CSMD1: variants seen among roughly 807,000 people sequenced by gnomAD.
The protein encoded by CSMD1 is CUB and Sushi multiple domains 1, also known as CUB and sushi domain-containing protein 1.
Under a neutral mutation model 417.5 loss-of-function variants are expected in CSMD1, and 213 were observed. The observed-to-expected ratio is 0.51, with a 90% CI of 0.46 to 0.57. The LOEUF (loss-of-function observed/expected upper bound fraction) is 0.57. Among genes scored for constraint, CSMD1 ranks in the 20% least tolerant of loss-of-function variants. CSMD1 has a pLI of 0.00. For missense variants in CSMD1, 6,923 were observed against 4,529.7 expected (o/e 1.53, Z -15.17); for synonymous variants, 2,862 against 1,736.8 (o/e 1.65, Z -16.11).
chr8:3,220,708 G>A (rs561231174), intron 28 of CSMD1, among the ~76,000 whole-genome samples: 74 of 152,222 alleles, frequency 4.9e-4, no homozygotes, highest in Admixed American at 1.0e-3. Context: ...TCGTGCACCT[G>A]TAGTCCCAGC....
intron 5 of CSMD1, among the ~76,000 whole-genome samples, chr8:3,956,065 G>C (rs540369776): frequency 6.6e-6 from 1 of 152,306 alleles, no homozygotes; most frequent in Non-Finnish European, 1.5e-5. Context: ...AAAGTGGTGA[G>C]ATTATTTGGC....
At chr8:4,945,792 G>A (rs1808326944) in intron 1 of CSMD1, among the ~76,000 whole-genome samples, 1 of 152,166 alleles carries the variant, frequency 6.6e-6, no homozygotes, top group Admixed American at 6.5e-5. Flanking sequence ...GGTGACGGAT[G>A]AGGTTAAGTA....
chr8:3,648,560 G>C (rs1244218388), intron 7 of CSMD1, among the ~76,000 whole-genome samples: 3 of 152,158 alleles, frequency 2.0e-5, no homozygotes, highest in Non-Finnish European at 2.9e-5. Flanking sequence ...TCAGAGCACA[G>C]AAAATTGTTT....
At chr8:2,999,037 T>A (rs1037102734) in intron 53 of CSMD1, among the ~76,000 whole-genome samples, 2 of 152,166 alleles carry the variant, frequency 1.3e-5, no homozygotes, top group African/African-American at 4.8e-5. Context: ...AATTGGGCAA[T>A]AAAGTGAGAG....
intron 5 of CSMD1, among the ~76,000 whole-genome samples, chr8:3,958,016 G>C (rs1476994975): frequency 6.6e-6 from 1 of 152,026 alleles, no homozygotes; most frequent in Non-Finnish European, 1.5e-5. Context: ...AACCAGAGAA[G>C]ACAACTAATA....
intron 7 of CSMD1, among the ~76,000 whole-genome samples, chr8:3,693,874 C>T (rs558252447): frequency 2.6e-4 from 36 of 141,140 alleles, no homozygotes; most frequent in South Asian, 9.4e-4. Context: ...ATGTGTGTTT[C>T]GTGTATGTTG....
At chr8:2,976,154 T>C (rs1010593946) in intron 55 of CSMD1, among the ~76,000 whole-genome samples, 6 of 152,086 alleles carry the variant, frequency 3.9e-5, no homozygotes, top group African/African-American at 1.2e-4. Flanking sequence ...ATTAATTGAA[T>C]TGTTGAAGTT....
At chr8:3,832,113 G>C (rs568138272) in intron 5 of CSMD1, among the ~76,000 whole-genome samples, 14 of 152,168 alleles carry the variant, frequency 9.2e-5, no homozygotes, top group African/African-American at 3.1e-4. Flanking sequence ...TGTGCATGTG[G>C]GCAAACAGTA....
intron 3 of CSMD1, among the ~76,000 whole-genome samples, chr8:4,141,986 C>G (rs1339529625): frequency 6.6e-6 from 1 of 150,824 alleles, no homozygotes; most frequent in Non-Finnish European, 1.5e-5. Flanking sequence ...CATTAAATTT[C>G]TCTCAACTTA....
intron 1 of CSMD1, among the ~76,000 whole-genome samples, chr8:4,719,143 G>T (rs546280456): frequency 2.0e-5 from 3 of 152,258 alleles, no homozygotes; most frequent in African/African-American, 7.2e-5. Flanking sequence ...TAAAGACAAT[G>T]ATGGCCTGGA....
At chr8:4,026,335 T>A (rs7840290) in intron 4 of CSMD1, among the ~76,000 whole-genome samples, 26,513 of 152,150 alleles carry the variant, frequency 0.17, 3,107 homozygotes, top group African/African-American at 0.32. Flanking sequence ...AATGTAATAA[T>A]CTATAATACA....
intron 23 of CSMD1, among the ~76,000 whole-genome samples, chr8:3,339,957 T>C (rs773379984): frequency 2.0e-5 from 3 of 152,246 alleles, no homozygotes; most frequent in Non-Finnish European, 4.4e-5. Flanking sequence ...TATTTTGGTC[T>C]GACTTACTAT....
intron 6 of CSMD1, among the ~76,000 whole-genome samples, chr8:3,744,902 T>C (rs1375946024): frequency 6.6e-6 from 1 of 152,106 alleles, no homozygotes; most frequent in Non-Finnish European, 1.5e-5. Context: ...GCTGAGCGCT[T>C]TAGTTGAGTG....
intron 1 of CSMD1, among the ~76,000 whole-genome samples, chr8:4,836,194 C>G (rs1435905884): frequency 6.6e-6 from 1 of 152,196 alleles, no homozygotes; most frequent in Non-Finnish European, 1.5e-5. Flanking sequence ...TGAATTGATT[C>G]AGGCATTCAT....
chr8:3,650,822 G>C (rs2469401), intron 7 of CSMD1, among the ~76,000 whole-genome samples: 67,773 of 151,970 alleles, frequency 0.45, 15,295 homozygotes, highest in Middle Eastern at 0.51. Context: ...TCAAACACTG[G>C]TTATACCATC....
chr8:4,819,936 T>C (rs563790834), intron 1 of CSMD1, among the ~76,000 whole-genome samples: 61 of 152,226 alleles, frequency 4.0e-4, no homozygotes, highest in Non-Finnish European at 7.5e-4. Flanking sequence ...TAAGTAATTT[T>C]TGAAATATCT....
chr8:3,782,126 T>G (rs995064381), intron 5 of CSMD1, among the ~76,000 whole-genome samples: 5 of 152,214 alleles, frequency 3.3e-5, no homozygotes, highest in Admixed American at 1.3e-4. Context: ...AGGGGTCATA[T>G]AATTTCTTTT....
At chr8:4,318,063 C>T (rs1014808707) in intron 3 of CSMD1, among the ~76,000 whole-genome samples, 1 of 152,090 alleles carries the variant, frequency 6.6e-6, no homozygotes, top group Non-Finnish European at 1.5e-5. Flanking sequence ...CGTTTTTTCT[C>T]ACGTAAGTGT....
intron 7 of CSMD1, among the ~76,000 whole-genome samples, chr8:3,634,070 G>A (rs934261382): frequency 6.6e-6 from 1 of 152,102 alleles, no homozygotes; most frequent in Non-Finnish European, 1.5e-5. Flanking sequence ...CTGGGTAGGG[G>A]GTGGTGGGGG....
Sources: allele counts gnomAD v4.1 joint callset (sites outside exome capture counted in the v4.1 genomes callset), GRCh38; gene constraint gnomAD v4.1.1; transcripts MANE v1.5; gene names NCBI Gene and HGNC (gene_info 2026-07-23, HGNC 2026-07-21).